AHCTF1: variants seen among roughly 807,000 people sequenced by gnomAD.
AHCTF1 encodes the protein AT-hook containing transcription factor 1.
Under a neutral mutation model 248.4 loss-of-function variants are expected in AHCTF1, and 24 were observed. The ratio of observed to expected loss-of-function variants is 0.10; its 90% confidence interval spans 0.07 to 0.14. AHCTF1 has a LOEUF of 0.14. Ranked by LOEUF, AHCTF1 falls within the 10% of genes least tolerant of loss-of-function variation. AHCTF1 has a pLI of 1.00. For missense variants in AHCTF1, 2,206 were observed against 2,636.2 expected (o/e 0.84, Z 3.57); for synonymous variants, 786 against 929.8 (o/e 0.85, Z 2.81).
intron 29 of AHCTF1, among the ~76,000 whole-genome samples, chr1:246,859,922 A>G (rs186748646): frequency 6.6e-6 from 1 of 152,170 alleles, no homozygotes; most frequent in African/African-American, 2.4e-5. Flanking sequence ...GAAATTCTTA[A>G]TTTCTGAGAA....
At chr1:246,909,360 T>C (rs1665632415) in intron 4 of AHCTF1, among the ~76,000 whole-genome samples, 1 of 123,660 alleles carries the variant, frequency 8.1e-6, no homozygotes, top group African/African-American at 3.2e-5. Context: ...GAGGTTGCAG[T>C]GAGCCGAGAT....
chr1:246,840,723 T>C lies in AHCTF1; in HGVS notation c.*83A>G. Reference sequence around the variant, plus strand: ...AATTTACAATAATTTATATAAATTATTTTCTTCCAAACTAGATATTTAATA... The same window carrying C: ...AATTTACAATAATTTATATAAATTACTTTCTTCCAAACTAGATATTTAATA... On this transcript the variant is annotated 3_prime_UTR_variant, in exon 36 of 36. Coordinates refer to ENST00000648844, the MANE Select transcript of AHCTF1 (RefSeq NM_001323342.2). The C allele has an allele frequency of 1.0e-6, 1 of 995,266 alleles. No homozygotes were observed. The highest frequency in any genetic ancestry group is 1.4e-6 in the Non-Finnish European group (1 of 721,864). 61.7% of individuals were successfully genotyped at this position (995,266 alleles called of 1,614,324 possible).
chr1:246,872,309 A>G (rs924065955), intron 24 of AHCTF1, among the ~76,000 whole-genome samples: 8 of 152,176 alleles, frequency 5.3e-5, no homozygotes, highest in Admixed American at 3.3e-4. Context: ...GTGGCACGCC[A>G]GGAAAAGACT....
At chr1:246,923,598 A>C (rs569193007) in intron 1 of AHCTF1, among the ~76,000 whole-genome samples, 3 of 152,256 alleles carry the variant, frequency 2.0e-5, no homozygotes, top group African/African-American at 7.2e-5. Flanking sequence ...AGACATGTGG[A>C]CTCTTCAATC....
At chr1:246,921,336 C>A (rs1666538509) in intron 1 of AHCTF1, among the ~76,000 whole-genome samples, 1 of 152,140 alleles carries the variant, frequency 6.6e-6, no homozygotes, top group Non-Finnish European at 1.5e-5. Flanking sequence ...GAACTTGGTG[C>A]TGAGTACACA....
At chr1:246,863,863 G>GCTA in intron 27 of AHCTF1, 61 bp downstream of exon 27, 1 of 1,527,664 alleles carries the variant, frequency 6.5e-7, no homozygotes, top group Non-Finnish European at 9.0e-7. Context: ...TTTTCTCCTT[G>GCTA]CTACTTGAAA....
rs1258166376 is a variant in AHCTF1 at position 246,888,114 on chromosome 1, CTACTCTTGAAATTTTA to C, written c.2325+47_2325+62del. 10 of 1,558,886 alleles carry C rather than the reference CTACTCTTGAAATTTTA, an allele frequency of 6.4e-6. No homozygotes were observed. In the Middle Eastern group the frequency reaches 5.1e-4, roughly 80 times the overall value. On this transcript the variant is annotated intron_variant, in intron 19 of 35. Coordinates refer to ENST00000648844, the MANE Select transcript of AHCTF1 (RefSeq NM_001323342.2). ...TGCAATTAGATATGTCAGGTTTCCA[CTACTCTTGAAATTTTA>C]TAATTTTAGTAATACATGAAACACT...
chr1:246,931,222 T>C (rs1667333909), intron 1 of AHCTF1: 1 of 1,549,716 alleles, frequency 6.5e-7, no homozygotes, highest in Non-Finnish European at 8.7e-7. Flanking sequence ...CGCCAACGAG[T>C]CCATCGCGTG....
At chr1:246,875,797 C>T (rs1662915681) in intron 24 of AHCTF1, among the ~76,000 whole-genome samples, 1 of 152,164 alleles carries the variant, frequency 6.6e-6, no homozygotes, top group Non-Finnish European at 1.5e-5. Context: ...AAGAATAATG[C>T]TACTGCACAC....
At chr1:246,849,512 A>G in intron 33 of AHCTF1, 103 bp downstream of exon 33, 7 of 1,444,990 alleles carry the variant, frequency 4.8e-6, no homozygotes, top group East Asian at 2.3e-5. Context: ...TTGAGGGGGG[A>G]AGGGGAAAAA....
chr1:246,883,286 T>C (rs1663587338), intron 21 of AHCTF1, among the ~76,000 whole-genome samples: 1 of 152,210 alleles, frequency 6.6e-6, no homozygotes, highest in African/African-American at 2.4e-5. Context: ...AGTTCAAATT[T>C]CCCAAATGTA....
At chr1:246,901,364 C>T (rs1450370095) in intron 8 of AHCTF1, among the ~76,000 whole-genome samples, 4 of 152,014 alleles carry the variant, frequency 2.6e-5, no homozygotes, top group East Asian at 3.9e-4. Flanking sequence ...AGGCCAGGTG[C>T]GGTGGCTCAC....
intron 7 of AHCTF1, 132 bp downstream of exon 7, chr1:246,903,817 G>A (rs11585265): frequency 0.21 from 146,128 of 707,722 alleles, 16,607 homozygotes; most frequent in Admixed American, 0.28. Context: ...CAGCCTGGGC[G>A]ACAGAGCGAG....
intron 25 of AHCTF1, 121 bp from the exon 26 acceptor site, chr1:246,867,472 ATAATAATGAACATTTCACT>A: frequency 1.0e-6 from 1 of 997,486 alleles, no homozygotes; most frequent in Non-Finnish European, 1.5e-6. Context: ...TTGCTTACAA[ATAATAATGAACATTTCACT>A]TTTAAAGGTT....
chr1:246,840,634 T>C lies in AHCTF1; in HGVS notation c.*172A>G, dbSNP rs56366240. The C allele has an allele frequency of 2.5e-6, 1 of 401,760 alleles. No individual in the cohort carries two copies. The highest frequency in any genetic ancestry group is 4.3e-6 in the Non-Finnish European group (1 of 231,242). The allele number at this position is 401,760 out of a possible 1,614,324, so 24.9% of individuals were successfully genotyped here. The stretch of plus-strand genomic sequence containing the variant: ...CTTAATATAAAATAGAAAAATTGCC[T>C]GGACTGAAACAATCACTCCATATGG... On this transcript the variant is annotated 3_prime_UTR_variant, in exon 36 of 36. Coordinates refer to ENST00000648844, the MANE Select transcript of AHCTF1 (RefSeq NM_001323342.2).
chr1:246,908,323 CAAAAA>C (rs34997839), intron 4 of AHCTF1, among the ~76,000 whole-genome samples: 1 of 101,568 alleles, frequency 9.8e-6, no homozygotes, highest in Non-Finnish European at 2.1e-5. Flanking sequence ...CACAGGGATA[CAAAAA>C]AAAAAAAAAA....
chr1:246,839,847 G>GT lies in AHCTF1; in HGVS notation c.*958dup, dbSNP rs1558198833. 6.6e-6 allele frequency: 1 copy of GT among 152,600 alleles called. No individual in the cohort carries two copies. Among genetic ancestry groups the GT allele is most frequent in the Non-Finnish European group, 1.5e-5 (1 of 68,060 alleles). The allele number at this position is 152,600 out of a possible 1,614,324, so 9.5% of individuals were successfully genotyped here. The stretch of plus-strand genomic sequence containing the variant: ...ACAGTTGTACTGTAGAGAACAGGGC[G>GT]TGTGTTGTTTTTCTCCTTTTCTACA... On this transcript the variant is annotated 3_prime_UTR_variant, in exon 36 of 36. Coordinates refer to ENST00000648844, the MANE Select transcript of AHCTF1 (RefSeq NM_001323342.2).
chr1:246,920,914 C>T lies in AHCTF1; in HGVS notation c.-7-2537G>A, dbSNP rs116306131. ...TAGCCTGGCCAACATGGTGAATCCA[C>T]ATCTCTACTAATAATACCAAAAAAA... On this transcript the variant is annotated intron_variant, in intron 1 of 35. Transcript: ENST00000648844. Among the ~76,000 whole-genome samples the T allele has an allele frequency of 6.0e-3, 907 of 151,682 alleles. 2 individuals are homozygous for T. The highest frequency in any genetic ancestry group is 0.021 in the African/African-American group (853 of 41,332).
At chr1:246,921,759 T>C (rs1666563476) in intron 1 of AHCTF1, among the ~76,000 whole-genome samples, 1 of 152,152 alleles carries the variant, frequency 6.6e-6, no homozygotes, top group Non-Finnish European at 1.5e-5. Flanking sequence ...CCAACATAAT[T>C]ATATATTACT....
Sources: allele counts gnomAD v4.1 joint callset (sites outside exome capture counted in the v4.1 genomes callset), GRCh38; gene constraint gnomAD v4.1.1; transcripts MANE v1.5; gene names NCBI Gene and HGNC (gene_info 2026-07-23, HGNC 2026-07-21).